The following ADAMTSL1 variants were observed in gnomAD, a reference collection of about 807,000 sequenced individuals.
ADAMTSL1 encodes the protein ADAMTS-like protein 1.
A neutral mutation model predicts 201.8 loss-of-function variants in ADAMTSL1; 126 were observed. The ratio of observed to expected loss-of-function variants is 0.62; its 90% CI spans 0.54 to 0.72. The LOEUF (loss-of-function observed/expected upper bound fraction) is 0.72. Ranked by LOEUF, ADAMTSL1 falls within the 30% of genes least tolerant of loss-of-function variation. The pLI, the probability that ADAMTSL1 is intolerant of heterozygous loss-of-function variation, is 0.00. For missense variants in ADAMTSL1, 2,679 were observed against 2,277.8 expected, an observed-to-expected ratio of 1.18 and a Z score of -3.59; for synonymous variants, 1,121 against 903.4, an observed-to-expected ratio of 1.24 and a Z score of -4.32.
At chr9:18,240,649 C>T (rs1831026196) in intron 2 of ADAMTSL1, among the ~76,000 whole-genome samples, 1 of 152,144 alleles carries the variant, frequency 6.6e-6, no homozygotes, top group African/African-American at 2.4e-5. Context: ...TATAAGATAT[C>T]ATTGAATATA....
chr9:18,265,940 A>G (rs1287206770), intron 2 of ADAMTSL1, among the ~76,000 whole-genome samples: 1 of 152,244 alleles, frequency 6.6e-6, no homozygotes, highest in Non-Finnish European at 1.5e-5. Flanking sequence ...GCTCCTGCCA[A>G]CAGGGACATT....
intron 1 of ADAMTSL1, among the ~76,000 whole-genome samples, chr9:17,942,100 A>G (rs116087554): frequency 0.03 from 4,579 of 152,246 alleles, 235 homozygotes; most frequent in African/African-American, 0.1. Flanking sequence ...AAGGTATATA[A>G]TAGGCAAATT....
intron 14 of ADAMTSL1, among the ~76,000 whole-genome samples, chr9:18,712,855 TC>T (rs1369235903): frequency 4.0e-5 from 6 of 148,468 alleles, no homozygotes; most frequent in African/African-American, 1.5e-4. Context: ...GAGAGAAAGG[TC>T]GGGTTACCCT....
chr9:18,797,105 G>T (rs1024164444), intron 20 of ADAMTSL1, among the ~76,000 whole-genome samples: 1 of 152,174 alleles, frequency 6.6e-6, no homozygotes, highest in Non-Finnish European at 1.5e-5. Context: ...CAAGTTCAAA[G>T]CCAGGGAAGA....
chr9:18,651,910 T>TTATA (rs144354985), intron 7 of ADAMTSL1, among the ~76,000 whole-genome samples: 4,544 of 150,064 alleles, frequency 0.03, 86 homozygotes, highest in African/African-American at 0.052. Flanking sequence ...GTTTATAAAA[T>TTATA]TATATATATA....
At chr9:18,797,714 G>C (rs1469518859) in intron 20 of ADAMTSL1, among the ~76,000 whole-genome samples, 1 of 152,130 alleles carries the variant, frequency 6.6e-6, no homozygotes, top group East Asian at 1.9e-4. Context: ...TTGAGTCTCT[G>C]TTCTCATCTG....
At chr9:18,576,056 TGGG>T (rs1822704169) in intron 4 of ADAMTSL1, among the ~76,000 whole-genome samples, 2 of 152,176 alleles carry the variant, frequency 1.3e-5, no homozygotes, top group Non-Finnish European at 2.9e-5. Context: ...TACTGGACTT[TGGG>T]TTACAAGTAT....
intron 19 of ADAMTSL1, 72 bp from the exon 20 acceptor site, chr9:18,795,325 C>G: frequency 3.8e-6 from 6 of 1,592,998 alleles, no homozygotes; most frequent in Non-Finnish European, 5.1e-6. Context: ...TCCTTCCTGC[C>G]TTACCAATAT....
intron 13 of ADAMTSL1, among the ~76,000 whole-genome samples, chr9:18,699,635 AAT>A (rs1564161313): frequency 6.6e-6 from 1 of 152,086 alleles, no homozygotes; most frequent in Non-Finnish European, 1.5e-5. Flanking sequence ...TGGCCACTTT[AAT>A]ATGTTTTTTA....
chr9:18,136,472 G>T (rs1425543908), intron 1 of ADAMTSL1, among the ~76,000 whole-genome samples: 1 of 152,106 alleles, frequency 6.6e-6, no homozygotes, highest in Non-Finnish European at 1.5e-5. Context: ...GTTGTAGGAT[G>T]TTAGGAGAGA....
intron 2 of ADAMTSL1, among the ~76,000 whole-genome samples, chr9:18,314,550 G>A (rs561041627): frequency 1.3e-5 from 2 of 150,292 alleles, no homozygotes; most frequent in East Asian, 2.0e-4. Context: ...CCTCCCGTCC[G>A]CAGTTGTTCC....
chr9:18,071,791 T>A (rs1822981537), intron 1 of ADAMTSL1, among the ~76,000 whole-genome samples: 1 of 152,158 alleles, frequency 6.6e-6, no homozygotes. Flanking sequence ...TTTGATGCGT[T>A]GTGTGTTCCA....
chr9:18,274,359 A>T (rs1349084429), intron 2 of ADAMTSL1, among the ~76,000 whole-genome samples: 1 of 151,524 alleles, frequency 6.6e-6, no homozygotes, highest in African/African-American at 2.4e-5. Context: ...TGAAATATGG[A>T]GTACAAAATC....
intron 4 of ADAMTSL1, among the ~76,000 whole-genome samples, chr9:18,617,134 A>C (rs892600855): frequency 2.0e-5 from 3 of 152,206 alleles, no homozygotes; most frequent in Admixed American, 6.5e-5. Flanking sequence ...TCACTGGCTC[A>C]GTATTTGATG....
rs558928988 is a variant in ADAMTSL1, at chr9:18,661,941, A to C, written c.953A>C (p.Gln318Pro). The C allele has an allele frequency of 6.2e-7, 1 of 1,612,932 alleles. No homozygotes were observed. The highest frequency in any genetic ancestry group is 1.3e-5 in the African/African-American group (1 of 74,970). The part of the protein sequence containing the change: ...PCSATCGGGY[Q>P]LTSAECYDLR... ...GGATGGTTTGATACTACAGGTTATC[A>C]GCTGACATCGGCTGAGTGCTACGAT... Residue 318 changes from glutamine to proline, a missense_variant, in exon 9 of 29, where the codon CAG becomes CCG. Gln to Pro is a moderately conservative substitution (Grantham distance 76). Transcript: ENST00000380548.
intron 23 of ADAMTSL1, among the ~76,000 whole-genome samples, chr9:18,855,671 A>C (rs1260032761): frequency 6.6e-6 from 1 of 152,212 alleles, no homozygotes; most frequent in East Asian, 1.9e-4. Flanking sequence ...TTCTATCAGG[A>C]ATCTTTTTAT....
At chr9:18,097,270 A>G (rs949786099) in intron 1 of ADAMTSL1, among the ~76,000 whole-genome samples, 3 of 152,184 alleles carry the variant, frequency 2.0e-5, no homozygotes, top group African/African-American at 7.2e-5. Context: ...GTAGCATTCT[A>G]TTGTAGGCAT....
intron 1 of ADAMTSL1, among the ~76,000 whole-genome samples, chr9:18,038,335 T>C (rs1821290865): frequency 6.6e-6 from 1 of 152,098 alleles, no homozygotes; most frequent in Admixed American, 6.6e-5. Flanking sequence ...ATTCTCTCTA[T>C]ACTCTAAAGC....
chr9:18,900,860 C>T (rs1014325685), intron 26 of ADAMTSL1, among the ~76,000 whole-genome samples: 6 of 152,210 alleles, frequency 3.9e-5, no homozygotes, highest in African/African-American at 1.4e-4. Flanking sequence ...ATGGGATGGT[C>T]TGTGCAGCAA....
Sources: allele counts gnomAD v4.1 joint callset (sites outside exome capture counted in the v4.1 genomes callset), GRCh38; gene constraint gnomAD v4.1.1; transcripts MANE v1.5; gene names NCBI Gene and HGNC (gene_info 2026-07-23, HGNC 2026-07-21).